Variants in TXNRD3 observed in about 807,000 individuals in gnomAD.
TXNRD3 encodes the protein TXNRD3 neighbor gene protein.
Under a neutral mutation model 78.2 loss-of-function variants are expected in TXNRD3, and 68 were observed. That is an observed-to-expected ratio of 0.87 (90% confidence interval 0.72 to 1.06). The LOEUF (loss-of-function observed/expected upper bound fraction) is 1.06. Ranked by LOEUF, TXNRD3 falls within the 50% of genes least tolerant of loss-of-function variation. The pLI is 0.00. For missense variants in TXNRD3, 751 were observed against 809.5 expected (o/e 0.93, Z 0.88); for synonymous variants, 296 against 300.1 (o/e 0.99, Z 0.14).
At chr3:126,647,462 A>G (rs968589505) in intron 1 of TXNRD3, among the ~76,000 whole-genome samples, 166 bp from the exon 2 acceptor site, 2 of 152,126 alleles carry the variant, frequency 1.3e-5, no homozygotes, top group African/African-American at 2.4e-5. Flanking sequence ...TCCTCTACAC[A>G]TCTTCCCAGA....
chr3:126,639,424 C>T (rs1037053182), intron 6 of TXNRD3, among the ~76,000 whole-genome samples: 3 of 152,126 alleles, frequency 2.0e-5, no homozygotes, highest in African/African-American at 7.2e-5. Flanking sequence ...TCTCCCCAGT[C>T]CCCCATGTGC....
intron 10 of TXNRD3, among the ~76,000 whole-genome samples, chr3:126,628,299 T>C (rs1938626513): frequency 6.6e-6 from 1 of 152,134 alleles, no homozygotes; most frequent in Admixed American, 6.5e-5. Context: ...GTGCCTGCTA[T>C]TGCCATTTCT....
chr3:126,651,064 A>G (rs367967085), intron 1 of TXNRD3, among the ~76,000 whole-genome samples: 42 of 152,322 alleles, frequency 2.8e-4, no homozygotes, highest in African/African-American at 8.7e-4. Context: ...TAGCAGCCCA[A>G]TGAAGAAACA....
chr3:126,619,321 T>C (rs576537239), intron 12 of TXNRD3, among the ~76,000 whole-genome samples: 67 of 152,266 alleles, frequency 4.4e-4, no homozygotes, highest in African/African-American at 1.6e-3. Context: ...GCATCCATAA[T>C]GCATGAATGG....
At chr3:126,631,946 A>T in intron 7 of TXNRD3, 67 bp from the exon 8 acceptor site, 1 of 1,005,422 alleles carries the variant, frequency 9.9e-7, no homozygotes, top group Non-Finnish European at 1.5e-6. Flanking sequence ...TGGACAAAAT[A>T]GTTACTACCC....
chr3:126,648,133 A>T (rs1933285169), intron 1 of TXNRD3, among the ~76,000 whole-genome samples: 1 of 152,242 alleles, frequency 6.6e-6, no homozygotes. Flanking sequence ...AATAGCAACA[A>T]GAAGAACTAA....
Position 126,608,721 on chromosome 3 carries a change from T to C in TXNRD3, c.1729-88A>G, listed in dbSNP as rs1038482599. On this transcript the variant is annotated intron_variant, in intron 14 of 15. Coordinates refer to ENST00000524230, the MANE Select transcript of TXNRD3 (RefSeq NM_052883.3). ...TCACTGCAAATTCACAGTTAAAATA[T>C]ACAGTATCTACTACAGAAAAAGAAC... The C allele has an allele frequency of 7.4e-6, 10 of 1,359,992 alleles. No individual in the cohort carries two copies. The African/African-American group carries it at 1.2e-4, about 16-fold the overall frequency. The allele number at this position is 1,359,992 out of a possible 1,614,324, so 84.2% of individuals were successfully genotyped here. A position where few individuals can be genotyped will look rare whatever the true frequency, so the allele number is the denominator to read the frequency against.
chr3:126,637,932 C>CTCTTTTTTTTTTTTTTTT (rs1444254294), intron 6 of TXNRD3, among the ~76,000 whole-genome samples: 13 of 60,236 alleles, frequency 2.2e-4, no homozygotes, highest in East Asian at 6.9e-4. Flanking sequence ...ATTTCTCTCT[C>CTCTTTTTTTTTTTTTTTT]TTTTTTTTTT....
chr3:126,629,699 C>T (rs1321948389), intron 9 of TXNRD3, among the ~76,000 whole-genome samples: 1 of 151,998 alleles, frequency 6.6e-6, no homozygotes, highest in Non-Finnish European at 1.5e-5. Context: ...TTGGAGGGAG[C>T]ATAAAAAGAT....
At chr3:126,615,837 G>C (rs1371716167) in intron 12 of TXNRD3, among the ~76,000 whole-genome samples, 1 of 152,156 alleles carries the variant, frequency 6.6e-6, no homozygotes, top group African/African-American at 2.4e-5. Flanking sequence ...CTTCTTCCAG[G>C]CAACCTTGAA....
chr3:126,630,591 G>T, intron 9 of TXNRD3, 121 bp downstream of exon 9: 1 of 1,068,090 alleles, frequency 9.4e-7, no homozygotes, highest in Non-Finnish European at 1.3e-6. Context: ...CTGTAGACTT[G>T]GGAGTGGAAA....
intron 15 of TXNRD3, among the ~76,000 whole-genome samples, 182 bp downstream of exon 15, chr3:126,608,317 T>C (rs891610877): frequency 6.6e-6 from 1 of 152,180 alleles, no homozygotes; most frequent in Admixed American, 6.5e-5. Flanking sequence ...GTCAAGATCA[T>C]GCTACTGCAC....
chr3:126,622,454 A>G lies in TXNRD3; in HGVS notation c.1367+10T>C. Reference sequence around the variant, plus strand: ...GTGCAGCAACAGTGCAGTGATCCCAATATACTTACTTCTCATTAATTTTGA... The same window carrying G: ...GTGCAGCAACAGTGCAGTGATCCCAGTATACTTACTTCTCATTAATTTTGA... On this transcript the variant is annotated intron_variant, in intron 11 of 15. Transcript: ENST00000524230. 1 of 1,531,620 alleles carries G rather than the reference A, an allele frequency of 6.5e-7. No homozygotes were observed. The highest frequency in any genetic ancestry group is 1.2e-5 in the South Asian group (1 of 83,516). 94.9% of individuals were successfully genotyped at this position (1,531,620 alleles called of 1,614,324 possible). A position where few individuals can be genotyped will look rare whatever the true frequency, so the allele number is the denominator to read the frequency against.
chr3:126,651,827 C>A (rs1193724991), intron 1 of TXNRD3, among the ~76,000 whole-genome samples: 2 of 152,148 alleles, frequency 1.3e-5, no homozygotes, highest in African/African-American at 2.4e-5. Context: ...ATATCAATCC[C>A]AAGTAGACGT....
At chr3:126,649,492 G>T (rs1255046582) in intron 1 of TXNRD3, among the ~76,000 whole-genome samples, 1 of 152,142 alleles carries the variant, frequency 6.6e-6, no homozygotes, top group Non-Finnish European at 1.5e-5. Flanking sequence ...CCATTTCTAG[G>T]TATGTACCAA....
At chr3:126,618,474 ACAT>A (rs1476370639) in intron 12 of TXNRD3, among the ~76,000 whole-genome samples, 1 of 152,202 alleles carries the variant, frequency 6.6e-6, no homozygotes, top group Non-Finnish European at 1.5e-5. Context: ...TGGAGAAAGG[ACAT>A]CATATTTAGT....
chr3:126,644,334 A>G lies in TXNRD3; in HGVS notation c.482T>C (p.Ile161Thr). 3.9e-6 allele frequency: 6 copies of G among 1,536,598 alleles called. No homozygotes were observed. Among genetic ancestry groups the G allele is most frequent in the Non-Finnish European group, 5.2e-6 (6 of 1,147,000 alleles). ...AAGGCCTCCAGAACCACCACCGATG[A>G]TGATGAGATCATAATCATATGCCAA... The change falls in exon 4 of 16, where the codon ATC (isoleucine) becomes ACC (threonine). Residue 161 changes from isoleucine to threonine, a missense_variant. Transcript: ENST00000524230.
chr3:126,631,429 C>T (rs962671031), intron 8 of TXNRD3, among the ~76,000 whole-genome samples: 2 of 151,984 alleles, frequency 1.3e-5, no homozygotes, highest in African/African-American at 4.8e-5. Context: ...CCCCAGCTGG[C>T]TCATTTTTAT....
intron 12 of TXNRD3, 110 bp from the exon 13 acceptor site, chr3:126,615,572 A>G (rs913050568): frequency 4.1e-6 from 2 of 484,480 alleles, no homozygotes; most frequent in Non-Finnish European, 6.8e-6. Context: ...AGTGTAACCA[A>G]TTCTTAAAAC....
Sources: gnomAD v4.1 joint callset for allele counts (sites outside exome capture counted in the v4.1 genomes callset) on GRCh38, gnomAD v4.1.1 for gene constraint, MANE v1.5 for transcripts, NCBI Gene and HGNC (gene_info 2026-07-23, HGNC 2026-07-21) for gene names.